PTPRM: variants seen among roughly 807,000 people sequenced by gnomAD.
PTPRM encodes the protein receptor-type tyrosine-protein phosphatase mu.
PTPRM carries 47 observed loss-of-function variants against 186.7 expected under a neutral mutation model. The observed-to-expected ratio is 0.25, with a 90% CI of 0.20 to 0.32. The LOEUF (loss-of-function observed/expected upper bound fraction) is 0.32. Ranked by LOEUF, PTPRM falls within the 10% of genes least tolerant of loss-of-function variation. The pLI, the probability that PTPRM is intolerant of heterozygous loss-of-function variation, is 1.00. For missense variants in PTPRM, 1,494 were observed against 1,865.0 expected (o/e 0.80, Z 3.66); for synonymous variants, 668 against 674.9 (o/e 0.99, Z 0.16).
intron 23 of PTPRM, among the ~76,000 whole-genome samples, chr18:8,346,245 C>A (rs1163065005): frequency 1.3e-5 from 2 of 152,148 alleles, no homozygotes; most frequent in Non-Finnish European, 1.5e-5. Flanking sequence ...GTTGGGCTGC[C>A]ATAACCAAAT....
intron 2 of PTPRM, among the ~76,000 whole-genome samples, chr18:7,796,633 CTCT>C (rs1005424391): frequency 3.9e-5 from 6 of 152,306 alleles, no homozygotes; most frequent in African/African-American, 1.4e-4. Context: ...GGCTCAATGG[CTCT>C]TCAAGTCCAC....
chr18:7,803,822 GC>G (rs1436501144), intron 2 of PTPRM, among the ~76,000 whole-genome samples: 1 of 152,098 alleles, frequency 6.6e-6, no homozygotes. Flanking sequence ...GACAACACAT[GC>G]CTACTTCACT....
chr18:8,095,154 G>A (rs2090952232), intron 11 of PTPRM, among the ~76,000 whole-genome samples: 1 of 152,116 alleles, frequency 6.6e-6, no homozygotes, highest in Non-Finnish European at 1.5e-5. Context: ...TGGAAAGAGA[G>A]CAACATGGAA....
chr18:8,061,326 CT>C (rs2088484867), intron 7 of PTPRM, among the ~76,000 whole-genome samples: 1 of 130,182 alleles, frequency 7.7e-6, no homozygotes, highest in Non-Finnish European at 1.6e-5. Context: ...TTCCTCCATC[CT>C]TTTATTTTGA....
intron 3 of PTPRM, among the ~76,000 whole-genome samples, chr18:7,904,064 G>C (rs2049848070): frequency 6.6e-6 from 1 of 152,080 alleles, no homozygotes; most frequent in South Asian, 2.1e-4. Flanking sequence ...GAACTAATGA[G>C]ATAATGGAAT....
intron 19 of PTPRM, among the ~76,000 whole-genome samples, chr18:8,266,573 T>C (rs2094703494): frequency 6.6e-6 from 1 of 152,190 alleles, no homozygotes; most frequent in African/African-American, 2.4e-5. Context: ...CCAATTTCTA[T>C]TGTCTCTTCT....
chr18:8,026,191 T>G (rs2085562262), intron 7 of PTPRM, among the ~76,000 whole-genome samples: 1 of 152,240 alleles, frequency 6.6e-6, no homozygotes, highest in Non-Finnish European at 1.5e-5. Flanking sequence ...ACCTCTGGGT[T>G]GAGTTCATAA....
chr18:8,282,239 C>A (rs1023147436), intron 19 of PTPRM, among the ~76,000 whole-genome samples: 1 of 152,054 alleles, frequency 6.6e-6, no homozygotes, highest in Non-Finnish European at 1.5e-5. Context: ...CATATTAGAG[C>A]AGCCAAAATA....
At chr18:8,176,246 A>G (rs2093479587) in intron 14 of PTPRM, among the ~76,000 whole-genome samples, 1 of 152,100 alleles carries the variant, frequency 6.6e-6, no homozygotes. Flanking sequence ...TAGACATAAT[A>G]TCGAAGTTAT....
At position 8,391,463 on chromosome 18, in the gene PTPRM, A is replaced by G. The variant is rs9960037; in HGVS notation, c.4209-3013A>G. On this transcript the variant is annotated intron_variant, in intron 31 of 32. Transcript: ENST00000580170. ...ACCGTGGGTGATTCTCACACAGACA[A>G]CACAGAGTGAAATAAGCCAGTCTCA... 5.5e-3 allele frequency among the ~76,000 whole-genome samples: 835 copies of G among 152,362 alleles called. 6 individuals carry two copies. The highest frequency in any genetic ancestry group is 0.019 in the African/African-American group (791 of 41,588).
At chr18:8,047,490 A>G (rs2087145553) in intron 7 of PTPRM, among the ~76,000 whole-genome samples, 1 of 152,206 alleles carries the variant, frequency 6.6e-6, no homozygotes, top group Non-Finnish European at 1.5e-5. Context: ...GATAGCACCA[A>G]AGAACAAAAA....
intron 30 of PTPRM, 35 bp downstream of exon 30, chr18:8,384,721 T>G: frequency 3.7e-6 from 6 of 1,609,974 alleles, no homozygotes; most frequent in Middle Eastern, 1.7e-4. Context: ...GTGATTATGG[T>G]TTCATTTATT....
intron 1 of PTPRM, among the ~76,000 whole-genome samples, chr18:7,666,390 G>A (rs1024519286): frequency 1.3e-5 from 2 of 152,122 alleles, no homozygotes; most frequent in Admixed American, 6.5e-5. Flanking sequence ...TGTTACTCCC[G>A]CCTTTCACTG....
intron 19 of PTPRM, among the ~76,000 whole-genome samples, chr18:8,290,618 T>G (rs937210621): frequency 6.6e-6 from 1 of 152,202 alleles, no homozygotes; most frequent in African/African-American, 2.4e-5. Flanking sequence ...CCTTCTGCTC[T>G]GTGCCCATGG....
intron 1 of PTPRM, among the ~76,000 whole-genome samples, chr18:7,702,035 T>A (rs2039977871): frequency 1.3e-5 from 2 of 152,310 alleles, no homozygotes; most frequent in Admixed American, 1.3e-4. Context: ...AACTCATCCT[T>A]TTTTATGGCT....
At chr18:7,993,381 C>T (rs2083364746) in intron 7 of PTPRM, among the ~76,000 whole-genome samples, 1 of 152,018 alleles carries the variant, frequency 6.6e-6, no homozygotes, top group African/African-American at 2.4e-5. Flanking sequence ...GGCTTAAAGA[C>T]TTCTGAATAT....
chr18:7,718,398 T>C (rs868252221), intron 1 of PTPRM, among the ~76,000 whole-genome samples: 37 of 152,316 alleles, frequency 2.4e-4, no homozygotes, highest in Middle Eastern at 3.4e-3. Flanking sequence ...TTTCACCTTA[T>C]TTAAAAATCA....
intron 1 of PTPRM, among the ~76,000 whole-genome samples, chr18:7,732,530 G>A (rs1305943425): frequency 6.6e-6 from 1 of 151,826 alleles, no homozygotes; most frequent in Non-Finnish European, 1.5e-5. Context: ...TAGAGACAGG[G>A]TCTTGCTCTG....
chr18:7,675,571 G>T (rs1423431130), intron 1 of PTPRM, among the ~76,000 whole-genome samples: 1 of 152,112 alleles, frequency 6.6e-6, no homozygotes, highest in East Asian at 1.9e-4. Context: ...GACTACTCAG[G>T]ACAAGTTTTC....
Sources: allele counts gnomAD v4.1 joint callset (sites outside exome capture counted in the v4.1 genomes callset), GRCh38; gene constraint gnomAD v4.1.1; transcripts MANE v1.5; gene names NCBI Gene and HGNC (gene_info 2026-07-23, HGNC 2026-07-21).